ITFG1: variants seen among roughly 807,000 people sequenced by gnomAD.
ITFG1 encodes the protein integrin alpha FG-GAP repeat containing 1.
A neutral mutation model predicts 81.8 loss-of-function variants in ITFG1; 34 were observed. The observed-to-expected ratio is 0.42, with a 90% CI of 0.32 to 0.55. The LOEUF (loss-of-function observed/expected upper bound fraction) is 0.55. Ranked by LOEUF, ITFG1 falls within the 20% of genes least tolerant of loss-of-function variation. The pLI is 0.17. For missense variants in ITFG1, 672 were observed against 755.4 expected (o/e 0.89, Z 1.29); for synonymous variants, 285 against 270.6 (o/e 1.05, Z -0.52).
intron 13 of ITFG1, among the ~76,000 whole-genome samples, chr16:47,220,243 T>A (rs372320721): frequency 5.4e-4 from 82 of 152,328 alleles, no homozygotes; most frequent in African/African-American, 1.8e-3. Flanking sequence ...AAGAAACCCC[T>A]GGGGGTCCCA....
At chr16:47,309,933 T>C (rs1321188615) in intron 10 of ITFG1, among the ~76,000 whole-genome samples, 1 of 152,212 alleles carries the variant, frequency 6.6e-6, no homozygotes, top group African/African-American at 2.4e-5. Context: ...ATAGAGCCAA[T>C]GTCTAAAATA....
At chr16:47,348,577 C>CT (rs1253249048) in intron 8 of ITFG1, among the ~76,000 whole-genome samples, 2 of 152,132 alleles carry the variant, frequency 1.3e-5, no homozygotes, top group African/African-American at 4.8e-5. Flanking sequence ...ACCAAATCTA[C>CT]GTCTGAATGG....
chr16:47,459,237 T>A (rs1969490679), intron 1 of ITFG1, 62 bp from the exon 2 acceptor site: 1 of 1,115,630 alleles, frequency 9.0e-7, no homozygotes, highest in Admixed American at 1.7e-5. Context: ...TAATCAGTGG[T>A]TACAAGAAGG....
intron 8 of ITFG1, among the ~76,000 whole-genome samples, chr16:47,336,150 C>A (rs1202289704): frequency 6.6e-6 from 1 of 152,066 alleles, no homozygotes; most frequent in Non-Finnish European, 1.5e-5. Context: ...AGTATAGAGA[C>A]AAAAAGTAGA....
intron 10 of ITFG1, among the ~76,000 whole-genome samples, chr16:47,273,689 T>C (rs768655052): frequency 2.5e-4 from 38 of 152,220 alleles, no homozygotes; most frequent in Non-Finnish European, 4.4e-4. Flanking sequence ...TAATGGAATA[T>C]AACACTGTGA....
chr16:47,260,933 T>A (rs1226323943), intron 10 of ITFG1, among the ~76,000 whole-genome samples: 1 of 152,254 alleles, frequency 6.6e-6, no homozygotes, highest in Non-Finnish European at 1.5e-5. Flanking sequence ...TCTTTCCTTT[T>A]CTATGGAGTT....
At chr16:47,298,222 T>C (rs1236536107) in intron 10 of ITFG1, among the ~76,000 whole-genome samples, 1 of 152,312 alleles carries the variant, frequency 6.6e-6, no homozygotes, top group East Asian at 1.9e-4. Context: ...ATATTCAAAA[T>C]TAATTTGTTG....
intron 14 of ITFG1, among the ~76,000 whole-genome samples, chr16:47,206,803 T>C (rs1039131328): frequency 3.3e-5 from 5 of 152,214 alleles, no homozygotes; most frequent in African/African-American, 1.2e-4. Context: ...ACTGCTACCA[T>C]GTTAGTGTGA....
At chr16:47,337,921 A>G (rs1419401259) in intron 8 of ITFG1, among the ~76,000 whole-genome samples, 1 of 152,220 alleles carries the variant, frequency 6.6e-6, no homozygotes, top group Non-Finnish European at 1.5e-5. Flanking sequence ...GCCAGTCTGC[A>G]AAGACTGGGA....
At chr16:47,426,891 G>A (rs1377009164) in intron 6 of ITFG1, among the ~76,000 whole-genome samples, 4 of 152,106 alleles carry the variant, frequency 2.6e-5, no homozygotes, top group Non-Finnish European at 5.9e-5. Context: ...ACAGCCACTA[G>A]GCCTGCTTTA....
At chr16:47,167,165 G>T (rs936545595) in intron 14 of ITFG1, among the ~76,000 whole-genome samples, 2 of 152,050 alleles carry the variant, frequency 1.3e-5, no homozygotes, top group African/African-American at 4.8e-5. Context: ...ACCTCATATA[G>T]AAGGTACCAT....
At chr16:47,255,553 G>C (rs902233237) in intron 12 of ITFG1, among the ~76,000 whole-genome samples, 1 of 152,196 alleles carries the variant, frequency 6.6e-6, no homozygotes, top group East Asian at 1.9e-4. Context: ...GCTTCTTAGA[G>C]ACACAGATGA....
chr16:47,455,639 T>C (rs1969441897), intron 2 of ITFG1, among the ~76,000 whole-genome samples: 1 of 151,048 alleles, frequency 6.6e-6, no homozygotes, highest in African/African-American at 2.4e-5. Context: ...CGTGGTGGCG[T>C]GCATCTCTAA....
chr16:47,382,101 A>G (rs1489866607), intron 6 of ITFG1, among the ~76,000 whole-genome samples: 1 of 152,260 alleles, frequency 6.6e-6, no homozygotes, highest in African/African-American at 2.4e-5. Flanking sequence ...ATGAAAAATC[A>G]AACTTTTGAA....
intron 14 of ITFG1, among the ~76,000 whole-genome samples, chr16:47,194,350 T>G (rs1965330200): frequency 6.6e-6 from 1 of 152,242 alleles, no homozygotes; most frequent in African/African-American, 2.4e-5. Context: ...TAACCTCATC[T>G]AAGTATATTT....
At chr16:47,353,702 G>T (rs1967998861) in intron 8 of ITFG1, among the ~76,000 whole-genome samples, 1 of 151,654 alleles carries the variant, frequency 6.6e-6, no homozygotes, top group African/African-American at 2.4e-5. Context: ...AAAGGTGCAG[G>T]ATACAAATCA....
At chr16:47,219,084 A>G (rs1173314711) in intron 13 of ITFG1, 138 bp from the exon 14 acceptor site, 1 of 433,064 alleles carries the variant, frequency 2.3e-6, no homozygotes, top group Non-Finnish European at 4.0e-6. Context: ...CAGCACATCA[A>G]AAGAAAACCT....
chr16:47,332,314 T>A (rs1307946822), intron 8 of ITFG1, among the ~76,000 whole-genome samples: 1 of 152,200 alleles, frequency 6.6e-6, no homozygotes, highest in African/African-American at 2.4e-5. Flanking sequence ...TTAAAATCTT[T>A]GTTATCCATC....
At chr16:47,294,922 T>A (rs1966960516) in intron 10 of ITFG1, among the ~76,000 whole-genome samples, 1 of 152,146 alleles carries the variant, frequency 6.6e-6, no homozygotes, top group African/African-American at 2.4e-5. Context: ...TGAAAGTGGG[T>A]ATACATGTGT....
Sources: allele counts gnomAD v4.1 joint callset (sites outside exome capture counted in the v4.1 genomes callset), GRCh38; gene constraint gnomAD v4.1.1; transcripts MANE v1.5; gene names NCBI Gene and HGNC (gene_info 2026-07-23, HGNC 2026-07-21).